Variants in PKNOX1 observed in about 807,000 individuals in gnomAD.
PKNOX1 encodes the protein homeobox protein PKNOX1.
A neutral mutation model predicts 51.9 loss-of-function variants in PKNOX1; 15 were observed. The ratio of observed to expected loss-of-function variants is 0.29; its 90% CI spans 0.19 to 0.45. The LOEUF is 0.45. Ranked by LOEUF, PKNOX1 falls within the 20% of genes least tolerant of loss-of-function variation. The pLI is 1.00. For synonymous variants in PKNOX1, 219 were observed against 211.1 expected (o/e 1.04, Z -0.32); for missense variants, 462 against 547.5 (o/e 0.84, Z 1.56).
At chr21:43,029,798 A>T in intron 10 of PKNOX1, 92 bp from the exon 11 acceptor site, 2 of 1,043,658 alleles carry the variant, frequency 1.9e-6, no homozygotes, top group Non-Finnish European at 1.4e-6. Context: ...TTTTAACTTT[A>T]GGTCAAACGA....
chr21:42,987,363 CAA>C (rs2059057198), intron 1 of PKNOX1, among the ~76,000 whole-genome samples: 1 of 80,058 alleles, frequency 1.2e-5, no homozygotes, highest in Non-Finnish European at 2.3e-5. Flanking sequence ...GCCTGGGCAA[CAA>C]GAGCTAAACT....
At chr21:42,998,614 T>C (rs752732573) in intron 1 of PKNOX1, among the ~76,000 whole-genome samples, 1 of 152,180 alleles carries the variant, frequency 6.6e-6, no homozygotes, top group Non-Finnish European at 1.5e-5. Context: ...ATTGGGTAAA[T>C]ACAGCCATTT....
At chr21:42,993,628 T>C (rs1978338554) in intron 1 of PKNOX1, among the ~76,000 whole-genome samples, 2 of 149,312 alleles carry the variant, frequency 1.3e-5, no homozygotes, top group South Asian at 4.3e-4. Context: ...TGTGGGTCTG[T>C]TCCTGTATGG....
At chr21:42,990,856 A>G (rs993477105) in intron 1 of PKNOX1, among the ~76,000 whole-genome samples, 4 of 152,202 alleles carry the variant, frequency 2.6e-5, no homozygotes, top group Non-Finnish European at 5.9e-5. Context: ...AGGTCTGTTC[A>G]GATTTCTCTC....
intron 1 of PKNOX1, among the ~76,000 whole-genome samples, chr21:42,998,720 T>G (rs1978615378): frequency 1.3e-5 from 2 of 152,188 alleles, no homozygotes; most frequent in African/African-American, 2.4e-5. Context: ...CCTAAATGAT[T>G]TCCTTTGACT....
chr21:43,013,730 C>T (rs549682699), intron 5 of PKNOX1, among the ~76,000 whole-genome samples: 5 of 152,230 alleles, frequency 3.3e-5, no homozygotes, highest in African/African-American at 4.8e-5. Flanking sequence ...TGGAACCCAC[C>T]GTTCTACTGT....
At chr21:43,028,220 G>T (rs990314056) in intron 9 of PKNOX1, among the ~76,000 whole-genome samples, 3 of 152,200 alleles carry the variant, frequency 2.0e-5, no homozygotes, top group Admixed American at 2.0e-4. Context: ...CCCATTCTCT[G>T]ATGGCTCAGA....
At chr21:42,976,249 AT>A (rs1473054604) in intron 1 of PKNOX1, among the ~76,000 whole-genome samples, 2 of 152,124 alleles carry the variant, frequency 1.3e-5, no homozygotes, top group Non-Finnish European at 2.9e-5. Context: ...CATTATATCT[AT>A]AAAAATGTGC....
At chr21:43,020,091 C>G (rs1232752579) in intron 7 of PKNOX1, among the ~76,000 whole-genome samples, 3 of 151,976 alleles carry the variant, frequency 2.0e-5, no homozygotes. Flanking sequence ...GCCACCTTGC[C>G]CAGTTAATTT....
At chr21:42,978,274 G>A (rs2059007803) in intron 1 of PKNOX1, among the ~76,000 whole-genome samples, 1 of 151,982 alleles carries the variant, frequency 6.6e-6, no homozygotes, top group Non-Finnish European at 1.5e-5. Context: ...CAAAGTGTTG[G>A]GATTACAGGT....
chr21:43,015,833 G>A lies in PKNOX1; in HGVS notation c.523-1075G>A, dbSNP rs573013175. On this transcript the variant is annotated intron_variant, in intron 5 of 10. Transcript: ENST00000291547. ...TGTGTCTCTATTTTTTTTTTAGTCA[G>A]TCTTTCTAGAGGTTTATGTAATTTT... is the stretch of plus-strand genomic sequence containing the variant. Among the ~76,000 whole-genome samples, 8 of 151,556 alleles carry A rather than the reference G, an allele frequency of 5.3e-5. No individual in the cohort carries two copies. In the South Asian group the frequency reaches 6.2e-4, roughly 12 times the overall value.
intron 8 of PKNOX1, among the ~76,000 whole-genome samples, chr21:43,022,229 G>C (rs145147831): frequency 6.6e-6 from 1 of 152,132 alleles, no homozygotes; most frequent in East Asian, 1.9e-4. Context: ...CCTCCTCCTC[G>C]GCCTTCTGCA....
intron 6 of PKNOX1, 88 bp from the exon 7 acceptor site, chr21:43,018,045 T>TATAA: frequency 3.4e-6 from 1 of 296,884 alleles, no homozygotes; most frequent in South Asian, 2.8e-5. Context: ...TCCCTGTCTC[T>TATAA]ACAAAAAAAA....
At chr21:42,999,049 G>C (rs1469815280) in intron 1 of PKNOX1, among the ~76,000 whole-genome samples, 1 of 152,354 alleles carries the variant, frequency 6.6e-6, no homozygotes, top group South Asian at 2.1e-4. Context: ...CGCCCTTACA[G>C]CCAACATCTG....
intron 1 of PKNOX1, among the ~76,000 whole-genome samples, chr21:42,995,466 C>T (rs1978458840): frequency 6.6e-6 from 1 of 151,950 alleles, no homozygotes. Context: ...CGGCTTGAGC[C>T]CAAGAGTTCA....
intron 2 of PKNOX1, among the ~76,000 whole-genome samples, chr21:43,007,017 A>C (rs1053930940): frequency 5.3e-5 from 8 of 152,162 alleles, no homozygotes; most frequent in African/African-American, 1.2e-4. Context: ...ATGCAGTGAC[A>C]TTTTTATGGC....
chr21:42,982,838 C>T (rs1343273272), intron 1 of PKNOX1, among the ~76,000 whole-genome samples: 1 of 151,588 alleles, frequency 6.6e-6, no homozygotes, highest in Non-Finnish European at 1.5e-5. Flanking sequence ...GAAACAGGGG[C>T]TTGCTCTGTT....
chr21:42,984,065 CGTGTGTGCGTGTGTGTGCGTGTGTGTGT>C (rs2059039564), intron 1 of PKNOX1, among the ~76,000 whole-genome samples: 1 of 99,098 alleles, frequency 1.0e-5, no homozygotes, highest in Non-Finnish European at 2.1e-5. Flanking sequence ...TACATGCATA[CGTGTGTGCGTGTGTGTGCGTGTGTGTGT>C]GTGTGTGTGT....
chr21:43,019,845 A>G (rs1380430374), intron 7 of PKNOX1, among the ~76,000 whole-genome samples: 1 of 151,672 alleles, frequency 6.6e-6, no homozygotes, highest in African/African-American at 2.4e-5. Flanking sequence ...CCCAGCTCTC[A>G]AGAAGGTTGG....
Sources: gnomAD v4.1 joint callset for allele counts (sites outside exome capture counted in the v4.1 genomes callset) on GRCh38, gnomAD v4.1.1 for gene constraint, MANE v1.5 for transcripts, NCBI Gene and HGNC (gene_info 2026-07-23, HGNC 2026-07-21) for gene names.